The following LRRTM4 variants were observed in gnomAD, a reference collection of about 807,000 sequenced individuals.
LRRTM4 encodes the protein leucine-rich repeat transmembrane neuronal protein 4.
A neutral mutation model predicts 47.6 loss-of-function variants in LRRTM4; 25 were observed. The ratio of observed to expected loss-of-function variants is 0.53; its 90% CI spans 0.38 to 0.73. The LOEUF (loss-of-function observed/expected upper bound fraction) is 0.73, where lower values mean the gene tolerates loss of function less well. Ranked by LOEUF, LRRTM4 falls within the 30% of genes least tolerant of loss-of-function variation. The pLI, the probability that LRRTM4 is intolerant of heterozygous loss-of-function variation, is 0.00. For missense variants in LRRTM4, 638 were observed against 713.4 expected (o/e 0.89, Z 1.20); for synonymous variants, 311 against 269.5 (o/e 1.15, Z -1.51).
At chr2:77,347,683 CAT>C (rs1424200048) in intron 3 of LRRTM4, among the ~76,000 whole-genome samples, 1 of 151,910 alleles carries the variant, frequency 6.6e-6, no homozygotes, top group African/African-American at 2.4e-5. Flanking sequence ...CTTCATTTTT[CAT>C]ATTCAAATTC....
At chr2:76,786,771 C>A (rs879396160) in intron 3 of LRRTM4, among the ~76,000 whole-genome samples, 2 of 151,914 alleles carry the variant, frequency 1.3e-5, no homozygotes, top group Admixed American at 6.6e-5. Context: ...AAAAATGCAT[C>A]ATTTTCTTGG....
In LRRTM4 at chr2:76,963,463, C is replaced by T. The variant is rs570357838; in HGVS notation, c.1552-214547G>A. Among the ~76,000 whole-genome samples, 88 of 150,702 alleles carry T rather than the reference C, an allele frequency of 5.8e-4. 1 individual carries two copies. The highest frequency in any genetic ancestry group is 1.0e-3 in the South Asian group (5 of 4,794). On this transcript the variant is annotated intron_variant, in intron 3 of 3. Coordinates refer to ENST00000409884, the MANE Select transcript of LRRTM4 (RefSeq NM_001134745.3). ...GGCTAAACCACATGATCAGGCAATA[C>T]GTAATATAAACACATATGGCCAAGA...
At position 76,794,287 on chromosome 2, in the gene LRRTM4, G is replaced by A. The variant is rs148551978; in HGVS notation, c.1552-45371C>T. Reference sequence around the variant, plus strand: ...AGAGAAGGAGCTGTGTCCTTAGATCGGAGATAACAAATATCTGCATTAGTA... The same window carrying A: ...AGAGAAGGAGCTGTGTCCTTAGATCAGAGATAACAAATATCTGCATTAGTA... On this transcript the variant is annotated intron_variant, in intron 3 of 3. Coordinates refer to ENST00000409884, the MANE Select transcript of LRRTM4 (RefSeq NM_001134745.3). Among the ~76,000 whole-genome samples, 132 of 152,204 alleles carry A rather than the reference G, an allele frequency of 8.7e-4. 2 individuals are homozygous for A. In the East Asian group the frequency reaches 0.024, roughly 28 times the overall value.
intron 3 of LRRTM4, among the ~76,000 whole-genome samples, chr2:77,252,716 G>A (rs1675654012): frequency 6.6e-6 from 1 of 152,144 alleles, no homozygotes; most frequent in African/African-American, 2.4e-5. Flanking sequence ...CAACTATGGG[G>A]AGGGAAAAGA....
chr2:77,399,027 C>T (rs1237156899), intron 3 of LRRTM4, among the ~76,000 whole-genome samples: 4 of 151,720 alleles, frequency 2.6e-5, no homozygotes, highest in African/African-American at 7.3e-5. Flanking sequence ...TCCTGTCCAT[C>T]CTGCCATGAC....
chr2:77,040,626 T>C (rs1232804304), intron 3 of LRRTM4, among the ~76,000 whole-genome samples: 2 of 151,354 alleles, frequency 1.3e-5, no homozygotes, highest in African/African-American at 2.4e-5. Context: ...CACAGAGCCA[T>C]ATACATTTTC....
At chr2:77,141,044 C>A (rs1423636911) in intron 3 of LRRTM4, among the ~76,000 whole-genome samples, 1 of 152,102 alleles carries the variant, frequency 6.6e-6, no homozygotes, top group East Asian at 1.9e-4. Context: ...CTAGTTCAAC[C>A]ATTGTGGAAG....
intron 3 of LRRTM4, among the ~76,000 whole-genome samples, chr2:76,831,182 T>C (rs996011105): frequency 1.3e-5 from 2 of 152,124 alleles, no homozygotes; most frequent in African/African-American, 4.8e-5. Context: ...AGTGTATCTA[T>C]ATATGTGAAT....
At position 77,516,667 on chromosome 2, in the gene LRRTM4, T is replaced by C. The variant is rs563927008; in HGVS notation, c.1551+1651A>G. 9.5e-5 allele frequency: 93 copies of C among 979,598 alleles called. No individual in the cohort carries two copies. The Admixed American group carries it at 2.1e-3, about 22-fold the overall frequency. 60.7% of individuals were successfully genotyped at this position (979,598 alleles called of 1,614,324 possible). A position where few individuals can be genotyped will look rare whatever the true frequency, so the allele number is the denominator to read the frequency against. ...AAAACATCAAGCCTTGTTAGACTTT[T>C]ATAGAAAATCTTTTATTCTTTTTAA... is the stretch of plus-strand genomic sequence containing the variant. On this transcript the variant is annotated intron_variant, in intron 3 of 3. Coordinates refer to ENST00000409884, the MANE Select transcript of LRRTM4 (RefSeq NM_001134745.3).
At chr2:77,128,151 A>AAC (rs1671701163) in intron 3 of LRRTM4, among the ~76,000 whole-genome samples, 1 of 150,116 alleles carries the variant, frequency 6.7e-6, no homozygotes, top group African/African-American at 2.5e-5. Context: ...TCAAAAAAAA[A>AAC]AACAAAACAA....
intron 3 of LRRTM4, among the ~76,000 whole-genome samples, chr2:77,511,743 C>T (rs1281169000): frequency 6.6e-6 from 1 of 151,836 alleles, no homozygotes; most frequent in Admixed American, 6.6e-5. Context: ...CTTACATTTT[C>T]ACCATTTTTA....
chr2:77,135,605 T>G (rs1671914425), intron 3 of LRRTM4, among the ~76,000 whole-genome samples: 1 of 152,210 alleles, frequency 6.6e-6, no homozygotes, highest in Non-Finnish European at 1.5e-5. Flanking sequence ...ATTTCTTTAC[T>G]TCATTTCATT....
intron 3 of LRRTM4, chr2:77,009,364 T>C (rs1437241329): frequency 1.3e-5 from 2 of 152,138 alleles, no homozygotes; most frequent in East Asian, 1.9e-4. Flanking sequence ...TCCTTAGAAG[T>C]TGAACACACA....
chr2:76,812,498 A>T (rs1287857513), intron 3 of LRRTM4, among the ~76,000 whole-genome samples: 1 of 152,108 alleles, frequency 6.6e-6, no homozygotes, highest in Non-Finnish European at 1.5e-5. Context: ...CTGTGGTTTA[A>T]ATTGACTGGG....
intron 3 of LRRTM4, among the ~76,000 whole-genome samples, chr2:76,787,692 T>G (rs919631187): frequency 1.3e-5 from 2 of 152,108 alleles, no homozygotes; most frequent in African/African-American, 2.4e-5. Flanking sequence ...AGCACACTTA[T>G]TCGGGTTGAT....
At chr2:76,967,214 T>C (rs1676056887) in intron 3 of LRRTM4, among the ~76,000 whole-genome samples, 1 of 150,710 alleles carries the variant, frequency 6.6e-6, no homozygotes, top group African/African-American at 2.4e-5. Context: ...TTCAACTAAA[T>C]GAGTACTTGT....
intron 3 of LRRTM4, among the ~76,000 whole-genome samples, chr2:77,120,339 T>C (rs749377919): frequency 1.3e-5 from 2 of 151,764 alleles, no homozygotes; most frequent in African/African-American, 4.8e-5. Flanking sequence ...AATTATCACA[T>C]AGATTGCTAA....
At chr2:76,850,022 G>C (rs1283037142) in intron 3 of LRRTM4, among the ~76,000 whole-genome samples, 1 of 151,698 alleles carries the variant, frequency 6.6e-6, no homozygotes, top group Non-Finnish European at 1.5e-5. Flanking sequence ...TGTATAAGTG[G>C]CTTATCATTT....
intron 3 of LRRTM4, among the ~76,000 whole-genome samples, chr2:76,783,992 G>C (rs937591707): frequency 2.0e-5 from 3 of 152,086 alleles, no homozygotes; most frequent in South Asian, 4.1e-4. Context: ...ATGTTAAACA[G>C]AGTTGCTACT....
Sources: allele counts gnomAD v4.1 joint callset (sites outside exome capture counted in the v4.1 genomes callset), GRCh38; gene constraint gnomAD v4.1.1; transcripts MANE v1.5; gene names NCBI Gene and HGNC (gene_info 2026-07-23, HGNC 2026-07-21).